The following C8orf34 variants were observed in gnomAD, a reference collection of about 807,000 sequenced individuals.
C8orf34 encodes the protein uncharacterized protein C8orf34.
In C8orf34, 65 loss-of-function variants were observed where a neutral mutation model predicts 68.3. The observed-to-expected ratio is 0.95, with a 90% confidence interval of 0.78 to 1.17. The LOEUF is 1.17. C8orf34 is among the 50% of genes most tolerant of loss of function. C8orf34 has a pLI of 0.00. For missense variants in C8orf34, 664 were observed against 655.4 expected (o/e 1.01, Z -0.14); for synonymous variants, 244 against 241.2 (o/e 1.01, Z -0.11).
chr8:68,796,610 G>A (rs1024202093), intron 12 of C8orf34, among the ~76,000 whole-genome samples: 1 of 152,116 alleles, frequency 6.6e-6, no homozygotes, highest in Admixed American at 6.5e-5. Flanking sequence ...TTCAAGAGGA[G>A]CAAAGCAACT....
At chr8:68,638,759 C>T (rs1818919355) in intron 7 of C8orf34, among the ~76,000 whole-genome samples, 1 of 151,778 alleles carries the variant, frequency 6.6e-6, no homozygotes, top group Non-Finnish European at 1.5e-5. Flanking sequence ...GCCATCTGGA[C>T]TAATTTTACC....
intron 4 of C8orf34, among the ~76,000 whole-genome samples, chr8:68,482,017 C>T (rs567153081): frequency 2.2e-4 from 33 of 152,314 alleles, no homozygotes; most frequent in African/African-American, 6.7e-4. Flanking sequence ...GCTGTGTCCT[C>T]ACCCACATCT....
chr8:68,446,812 A>G (rs1391759947), intron 3 of C8orf34: 1 of 271,680 alleles, frequency 3.7e-6, no homozygotes, highest in Non-Finnish European at 6.8e-6. Flanking sequence ...AAAGCAAATT[A>G]AATCTCTTAG....
At chr8:68,480,180 G>A (rs895630873) in intron 4 of C8orf34, among the ~76,000 whole-genome samples, 2 of 152,154 alleles carry the variant, frequency 1.3e-5, no homozygotes, top group African/African-American at 4.8e-5. Flanking sequence ...AATCACAGGG[G>A]CCAGCTTTTC....
At position 68,815,851 on chromosome 8, in the gene C8orf34, C is replaced by G. The variant is rs759679438; in HGVS notation, c.1550-35C>G. The G allele has an allele frequency of 6.2e-6, 10 of 1,613,184 alleles. No individual in the cohort carries two copies. The African/African-American group carries it at 1.2e-4, about 19-fold the overall frequency. On this transcript the variant is annotated intron_variant, in intron 12 of 13. Transcript: ENST00000518698. ...GTATTTAATCGATGATTTTTCCTGG[C>G]CTGGCATATTATCTCTGTTTCTTTT... is the stretch of plus-strand genomic sequence containing the variant.
In C8orf34 at chr8:68,439,649, A is replaced by G. The variant is rs1022729376; in HGVS notation, c.475+3A>G. The stretch of plus-strand genomic sequence containing the variant: ...ATGGGCAGAAAGTGAAAAATCAGGT[A>G]AATGAAGAATGTCTATGCAGTTAAT... On this transcript the variant is annotated splice_donor_region_variant and intron_variant, in intron 2 of 13. Transcript: ENST00000518698. The G allele has an allele frequency of 6.8e-6, 11 of 1,608,626 alleles. No homozygotes were observed. In the Admixed American group the frequency reaches 1.9e-4, roughly 27 times the overall value.
At chr8:68,448,848 A>T (rs1811225734) in intron 3 of C8orf34, among the ~76,000 whole-genome samples, 1 of 152,090 alleles carries the variant, frequency 6.6e-6, no homozygotes. Flanking sequence ...AGAAGCCTAT[A>T]TGGCTAAAGT....
In C8orf34 at chr8:68,342,027, C is replaced by T. The variant is rs1395482917; in HGVS notation, c.327+10688C>T. Reference sequence around the variant, plus strand: ...TTTATAGCACAGTGGCTGTAGTTAACAATTATGTATTGTATACTTGAAAAT... The same window carrying T: ...TTTATAGCACAGTGGCTGTAGTTAATAATTATGTATTGTATACTTGAAAAT... On this transcript the variant is annotated intron_variant, in intron 1 of 13. Transcript: ENST00000518698. Among the ~76,000 whole-genome samples the T allele has an allele frequency of 2.6e-5, 4 of 152,008 alleles. 1 individual carries two copies. The highest frequency in any genetic ancestry group is 7.2e-5 in the African/African-American group (3 of 41,392).
chr8:68,700,992 A>T (rs1820999097), intron 8 of C8orf34, among the ~76,000 whole-genome samples: 1 of 152,160 alleles, frequency 6.6e-6, no homozygotes. Flanking sequence ...TAACCCTTTG[A>T]AGCAAATGGC....
intron 7 of C8orf34, among the ~76,000 whole-genome samples, chr8:68,561,064 C>T (rs1364482104): frequency 1.3e-5 from 2 of 151,182 alleles, no homozygotes; most frequent in African/African-American, 4.9e-5. Context: ...CTCACTGCAG[C>T]TTCCACCTCC....
chr8:68,428,910 C>T (rs1223896332), intron 1 of C8orf34, among the ~76,000 whole-genome samples: 1 of 152,034 alleles, frequency 6.6e-6, no homozygotes, highest in African/African-American at 2.4e-5. Flanking sequence ...AATTAAATAA[C>T]ACCTACCTCA....
At chr8:68,539,248 G>A (rs2129911582) in intron 7 of C8orf34, among the ~76,000 whole-genome samples, 1 of 152,066 alleles carries the variant, frequency 6.6e-6, no homozygotes, top group East Asian at 1.9e-4. Flanking sequence ...CATTTGTTTA[G>A]CCATAGTAGT....
intron 8 of C8orf34, among the ~76,000 whole-genome samples, chr8:68,681,339 A>G (rs962561817): frequency 5.3e-5 from 8 of 152,204 alleles, no homozygotes; most frequent in African/African-American, 1.7e-4. Flanking sequence ...AAATGTCCAT[A>G]TTAAAATGAA....
intron 8 of C8orf34, among the ~76,000 whole-genome samples, chr8:68,702,180 T>C (rs1048277362): frequency 1.3e-5 from 2 of 152,080 alleles, no homozygotes; most frequent in Non-Finnish European, 2.9e-5. Context: ...TACTCTCTCC[T>C]TAGCACCTGA....
intron 4 of C8orf34, among the ~76,000 whole-genome samples, chr8:68,472,883 T>A (rs1812441124): frequency 6.6e-6 from 1 of 152,128 alleles, no homozygotes; most frequent in Non-Finnish European, 1.5e-5. Context: ...GCACCTCTCG[T>A]TTTGGAACTA....
chr8:68,453,943 G>A (rs1481452730), intron 3 of C8orf34, among the ~76,000 whole-genome samples: 1 of 151,992 alleles, frequency 6.6e-6, no homozygotes, highest in East Asian at 1.9e-4. Context: ...TGTTGAGAAA[G>A]TTCTCTTCTA....
Position 68,398,626 on chromosome 8 carries a change from G to C in C8orf34, c.328-40873G>C, listed in dbSNP as rs1517119. On this transcript the variant is annotated intron_variant, in intron 1 of 13. Transcript: ENST00000518698. ...ATATAAGTATATCAAAGTATTATGT[G>C]GTACATATTATGTTGTACACTTTAA... 3.3e-5 allele frequency among the ~76,000 whole-genome samples: 5 copies of C among 151,994 alleles called. No homozygotes were observed. The East Asian group carries it at 9.7e-4, about 29-fold the overall frequency.
At chr8:68,546,259 C>T (rs913539386) in intron 7 of C8orf34, among the ~76,000 whole-genome samples, 2 of 151,732 alleles carry the variant, frequency 1.3e-5, no homozygotes, top group East Asian at 3.9e-4. Flanking sequence ...TTACACACAC[C>T]AATTAAAAGG....
intron 7 of C8orf34, among the ~76,000 whole-genome samples, chr8:68,586,842 A>G (rs1465344722): frequency 6.6e-6 from 1 of 152,196 alleles, no homozygotes; most frequent in African/African-American, 2.4e-5. Context: ...TCAGCAAGCT[A>G]TAGCCCAAGG....
Sources: allele counts gnomAD v4.1 joint callset (sites outside exome capture counted in the v4.1 genomes callset), GRCh38; gene constraint gnomAD v4.1.1; transcripts MANE v1.5; gene names NCBI Gene and HGNC (gene_info 2026-07-23, HGNC 2026-07-21).